Variants in MED13L observed in about 807,000 individuals in gnomAD.
The protein encoded by MED13L is mediator of RNA polymerase II transcription subunit 13-like.
A neutral mutation model predicts 220.9 loss-of-function variants in MED13L; 7 were observed. The observed-to-expected ratio is 0.03, with a 90% confidence interval of 0.02 to 0.06. MED13L has a LOEUF of 0.06. Among genes scored for constraint, MED13L ranks in the 10% least tolerant of loss-of-function variants. The pLI, the probability that MED13L is intolerant of heterozygous loss-of-function variation, is 1.00. For missense variants in MED13L, 1,965 were observed against 2,760.5 expected (o/e 0.71, Z 6.46); for synonymous variants, 1,011 against 1,015.2 (o/e 1.00, Z 0.08).
At chr12:116,229,165 C>A (rs1869299693) in intron 2 of MED13L, among the ~76,000 whole-genome samples, 1 of 152,144 alleles carries the variant, frequency 6.6e-6, no homozygotes, top group Non-Finnish European at 1.5e-5. Context: ...GGGCATCAAA[C>A]ATGGCTACAC....
At chr12:116,257,613 C>T (rs766988924) in intron 1 of MED13L, among the ~76,000 whole-genome samples, 2 of 152,156 alleles carry the variant, frequency 1.3e-5, no homozygotes, top group Non-Finnish European at 2.9e-5. Flanking sequence ...TGCAGGCCTC[C>T]AAGCTGCCTG....
At chr12:116,016,302 T>TA (rs1253281304) in intron 7 of MED13L, among the ~76,000 whole-genome samples, 11 of 151,930 alleles carry the variant, frequency 7.2e-5, no homozygotes, top group East Asian at 5.8e-4. Context: ...TACGTCTATT[T>TA]AAAAAAAAGA....
At chr12:116,229,885 T>C (rs1191880831) in intron 2 of MED13L, among the ~76,000 whole-genome samples, 1 of 152,102 alleles carries the variant, frequency 6.6e-6, no homozygotes, top group Non-Finnish European at 1.5e-5. Context: ...ACTCATTCTT[T>C]CAAATAAAAC....
intron 1 of MED13L, among the ~76,000 whole-genome samples, chr12:116,257,320 T>C (rs1872145115): frequency 6.6e-6 from 1 of 152,218 alleles, no homozygotes; most frequent in African/African-American, 2.4e-5. Flanking sequence ...CACTTTACAC[T>C]GCTGTGGATA....
chr12:116,147,407 T>G (rs971764109), intron 2 of MED13L, among the ~76,000 whole-genome samples: 1 of 152,234 alleles, frequency 6.6e-6, no homozygotes, highest in South Asian at 2.1e-4. Flanking sequence ...CAGACAGTTT[T>G]ATAGTATCAG....
chr12:116,263,002 G>T (rs1364807071), intron 1 of MED13L, among the ~76,000 whole-genome samples: 1 of 152,134 alleles, frequency 6.6e-6, no homozygotes, highest in Non-Finnish European at 1.5e-5. Flanking sequence ...TGAACACTGT[G>T]TTTTTAGTAA....
chr12:116,061,180 G>A (rs1274289850), intron 4 of MED13L, among the ~76,000 whole-genome samples: 1 of 152,078 alleles, frequency 6.6e-6, no homozygotes, highest in South Asian at 2.1e-4. Flanking sequence ...TAGAGGACAA[G>A]ATTTAACTTT....
At chr12:116,092,034 A>G (rs1329510478) in intron 4 of MED13L, among the ~76,000 whole-genome samples, 1 of 152,214 alleles carries the variant, frequency 6.6e-6, no homozygotes, top group Non-Finnish European at 1.5e-5. Context: ...AAATGAGTAA[A>G]TGTTTTATAG....
intron 2 of MED13L, among the ~76,000 whole-genome samples, chr12:116,166,294 T>C (rs1593120713): frequency 6.6e-6 from 1 of 152,138 alleles, no homozygotes; most frequent in Admixed American, 6.5e-5. Flanking sequence ...AGATTAACAT[T>C]TGAGTCAGTG....
chr12:116,232,962 C>G (rs1024386248), intron 2 of MED13L, among the ~76,000 whole-genome samples: 2 of 151,934 alleles, frequency 1.3e-5, no homozygotes, highest in African/African-American at 4.8e-5. Flanking sequence ...TGGCATACAC[C>G]TGCAATCCCA....
chr12:115,970,667 C>T lies in MED13L; in HGVS notation c.5994G>A (p.Val1998=), dbSNP rs753582451. The T allele has an allele frequency of 2.2e-5, 36 of 1,614,058 alleles. No individual in the cohort carries two copies. Among genetic ancestry groups the T allele is most frequent in the Non-Finnish European group, 3.1e-5 (36 of 1,179,944 alleles). ...PQDASCTHIL[V]FPTSSTIQVA... ...CCTGGATGGTTGATGATGTTGGGAA[C>T]ACCAAGATGTGTGTACAAGAAGCAT... The change falls in exon 27 of 31, where the codon GTG becomes GTA. Residue 1998 remains valine, a synonymous_variant. Coordinates refer to ENST00000281928, the MANE Select transcript of MED13L (RefSeq NM_015335.5).
intron 1 of MED13L, among the ~76,000 whole-genome samples, chr12:116,251,919 C>T (rs1354822727): frequency 6.6e-6 from 1 of 150,600 alleles, no homozygotes; most frequent in Non-Finnish European, 1.5e-5. Context: ...AAGTTGACAC[C>T]AAGAGAAGTA....
chr12:116,276,968 C>T (rs1190525220), intron 1 of MED13L, 92 bp downstream of exon 1: 1 of 1,382,392 alleles, frequency 7.2e-7, no homozygotes. Context: ...GGCGAAGTCC[C>T]GGCGGCGGGA....
At chr12:116,119,703 G>A (rs992762899) in intron 2 of MED13L, among the ~76,000 whole-genome samples, 17 of 150,404 alleles carry the variant, frequency 1.1e-4, no homozygotes, top group Non-Finnish European at 4.4e-5. Flanking sequence ...TTCCTGGGAG[G>A]CTGAGGCAGA....
chr12:115,968,315 T>G (rs1414093544), intron 28 of MED13L, among the ~76,000 whole-genome samples: 2 of 152,134 alleles, frequency 1.3e-5, no homozygotes, highest in African/African-American at 4.8e-5. Context: ...TTCATCCACC[T>G]CCAATATCCC....
At chr12:116,009,188 AC>A in intron 9 of MED13L, 56 bp from the exon 10 acceptor site, 1 of 1,602,450 alleles carries the variant, frequency 6.2e-7, no homozygotes, top group Non-Finnish European at 8.5e-7. Context: ...AGATTCTCTG[AC>A]AAAATTTTGC....
Position 115,983,441 on chromosome 12 carries a change from T to G in MED13L, c.4631A>C (p.Asn1544Thr). 3 of 1,614,230 alleles carry G rather than the reference T, an allele frequency of 1.9e-6. No homozygotes were observed. The highest frequency in any genetic ancestry group is 2.5e-6 in the Non-Finnish European group (3 of 1,180,026). ...TCCATTTGGAGCTAAGGGCCCAGCA[T>G]TCCCTGGCGTAGCTTGTCCCTGTGC... ...AAAQGQATPG[N>T]AGPLAPNGSA... The change falls in exon 21 of 31, where the codon AAT becomes ACT. Residue 1544 changes from asparagine (N) to threonine (T), a missense_variant. This residue lies in a region of MED13L where 510 missense variants were observed against 620.4 expected (regional missense o/e 0.82). Transcript: ENST00000281928.
At chr12:116,244,103 A>C (rs933921874) in intron 1 of MED13L, among the ~76,000 whole-genome samples, 10 of 152,206 alleles carry the variant, frequency 6.6e-5, no homozygotes, top group African/African-American at 2.4e-4. Flanking sequence ...GGTGTATAGA[A>C]AAGGCAGCTG....
At chr12:115,968,574 GGTT>G (rs1266473801) in intron 28 of MED13L, among the ~76,000 whole-genome samples, 2 of 152,088 alleles carry the variant, frequency 1.3e-5, no homozygotes, top group Non-Finnish European at 2.9e-5. Flanking sequence ...GAGTAAGTAC[GGTT>G]GTTGTACTAA....
Sources: gnomAD v4.1 joint callset for allele counts (sites outside exome capture counted in the v4.1 genomes callset) on GRCh38, gnomAD v4.1.1 for gene constraint, gnomAD v4.1.1 regional missense constraint, MANE v1.5 for transcripts, NCBI Gene and HGNC (gene_info 2026-07-23, HGNC 2026-07-21) for gene names.